The following PDZD2 variants were observed in gnomAD, a reference collection of about 807,000 sequenced individuals.
PDZD2 encodes the protein PDZ domain-containing protein 2.
Under a neutral mutation model 220.7 loss-of-function variants are expected in PDZD2, and 90 were observed. The observed-to-expected ratio is 0.41, with a 90% CI of 0.34 to 0.49. PDZD2 has a LOEUF of 0.49. Among genes scored for constraint, PDZD2 ranks in the 20% least tolerant of loss-of-function variants. The pLI is 0.28. For missense variants in PDZD2, 3,174 were observed against 3,608.5 expected, an observed-to-expected ratio of 0.88 and a Z score of 3.08; for synonymous variants, 1,375 against 1,450.5, an observed-to-expected ratio of 0.95 and a Z score of 1.18.
In PDZD2 at chr5:32,089,862, A is replaced by G. The variant is rs771054147; in HGVS notation, c.6414A>G (p.Glu2138=). Residue 2138 remains glutamate (E), a synonymous_variant, in exon 20 of 25, where the codon GAA becomes GAG. Transcript: ENST00000438447. ...SEIRLYRQVA[E]SSTSHPSSLP... is the part of the protein sequence containing the mutation. The stretch of plus-strand genomic sequence containing the variant: ...TCAGGCTCTATCGCCAGGTCGCAGA[A>G]TCATCCACAAGTCATCCATCCTCAC... 9.9e-6 allele frequency: 16 copies of G among 1,613,062 alleles called. No individual in the cohort carries two copies. In the African/African-American group the frequency reaches 1.9e-4, roughly 19 times the overall value.
chr5:31,890,453 G>A (rs1026928416), intron 2 of PDZD2, among the ~76,000 whole-genome samples: 3 of 152,172 alleles, frequency 2.0e-5, no homozygotes, highest in African/African-American at 4.8e-5. Context: ...AGGTTTGGTA[G>A]AGGGTCGATT....
At chr5:31,934,214 A>G (rs927858841) in intron 2 of PDZD2, among the ~76,000 whole-genome samples, 1 of 93,268 alleles carries the variant, frequency 1.1e-5, no homozygotes, top group African/African-American at 3.6e-5. Context: ...CTTTTAAAAG[A>G]AAAAAAAGCT....
chr5:32,063,326 G>T (rs534218446), intron 14 of PDZD2, among the ~76,000 whole-genome samples: 2 of 152,100 alleles, frequency 1.3e-5, no homozygotes, highest in East Asian at 3.9e-4. Flanking sequence ...GAGCCACCAC[G>T]CCCGGTCTGA....
chr5:31,764,037 A>C (rs1021217908), intron 1 of PDZD2, among the ~76,000 whole-genome samples: 1 of 152,170 alleles, frequency 6.6e-6, no homozygotes. Flanking sequence ...CAAGCTGCAG[A>C]ACTGCAGGAG....
intron 2 of PDZD2, among the ~76,000 whole-genome samples, chr5:31,879,980 C>T (rs926034247): frequency 1.4e-5 from 2 of 145,534 alleles, no homozygotes; most frequent in African/African-American, 5.1e-5. Flanking sequence ...ATGGCACGAT[C>T]TCAGCTCACC....
chr5:32,062,528 G>A (rs1739786707), intron 14 of PDZD2, among the ~76,000 whole-genome samples: 1 of 151,796 alleles, frequency 6.6e-6, no homozygotes, highest in Non-Finnish European at 1.5e-5. Context: ...AGAGTAGCTG[G>A]GACCATGGGT....
At chr5:31,937,136 G>A (rs1188644289) in intron 2 of PDZD2, among the ~76,000 whole-genome samples, 1 of 152,136 alleles carries the variant, frequency 6.6e-6, no homozygotes, top group African/African-American at 2.4e-5. Flanking sequence ...TCAAGGTTTG[G>A]GGCTTGTGAT....
At chr5:32,063,233 C>T (rs1379204572) in intron 14 of PDZD2, among the ~76,000 whole-genome samples, 3 of 151,562 alleles carry the variant, frequency 2.0e-5, no homozygotes, top group African/African-American at 7.3e-5. Context: ...TTAGTAGAGA[C>T]GGGGTTTCAC....
rs956965179 is a variant in PDZD2 at position 31,789,645 on chromosome 5, C to T, written c.-360-9244C>T. On this transcript the variant is annotated intron_variant, in intron 1 of 24. Transcript: ENST00000438447. ...ATAAAATAAGTACAATAAAAACTTC[C>T]GGGCTGGGCGTGGTGGCTCATGCCT... Among the ~76,000 whole-genome samples the T allele has an allele frequency of 5.3e-5, 8 of 152,276 alleles. No individual in the cohort carries two copies. In the South Asian group the frequency reaches 1.2e-3, roughly 24 times the overall value.
intron 1 of PDZD2, chr5:31,744,393 T>TA (rs954623055): frequency 2.6e-4 from 39 of 152,130 alleles, no homozygotes; most frequent in South Asian, 4.2e-4. Flanking sequence ...CCTTACTAGG[T>TA]AAAAAAAGTC....
At chr5:31,701,036 TCCAGTGCTGGAG>T (rs1747583812) in intron 1 of PDZD2, among the ~76,000 whole-genome samples, 1 of 152,190 alleles carries the variant, frequency 6.6e-6, no homozygotes, top group Non-Finnish European at 1.5e-5. Flanking sequence ...CAGGTGTGCT[TCCAGTGCTGGAG>T]CCACTTGCCG....
intron 1 of PDZD2, among the ~76,000 whole-genome samples, chr5:31,734,631 T>G (rs1749738775): frequency 6.6e-6 from 1 of 152,090 alleles, no homozygotes; most frequent in Non-Finnish European, 1.5e-5. Flanking sequence ...TTTTGGGTTT[T>G]TATAGAGGCC....
chr5:31,663,657 T>C (rs1745866847), intron 1 of PDZD2, among the ~76,000 whole-genome samples: 1 of 152,220 alleles, frequency 6.6e-6, no homozygotes, highest in African/African-American at 2.4e-5. Flanking sequence ...ATGAGAAATC[T>C]GGGCTATTTT....
intron 2 of PDZD2, among the ~76,000 whole-genome samples, chr5:31,892,851 G>A (rs1188247097): frequency 1.3e-5 from 2 of 152,136 alleles, no homozygotes; most frequent in African/African-American, 4.8e-5. Context: ...GATTACAGGT[G>A]TGTGCCACTG....
Position 32,057,746 on chromosome 5 carries a change from GATCTCC to G in PDZD2, c.1974+19_1974+24del. The G allele has an allele frequency of 2.0e-6, 3 of 1,516,060 alleles. No homozygotes were observed. Among genetic ancestry groups the G allele is most frequent in the Non-Finnish European group, 2.7e-6 (3 of 1,093,944 alleles). 93.9% of individuals were successfully genotyped at this position (1,516,060 alleles called of 1,614,324 possible). Reference sequence around the variant, plus strand: ...CCTTTAAGGTAACAACATTCTTATTGATCTCCTTTATCCTATTTTCCTTTCTTTATT... The same window carrying G: ...CCTTTAAGGTAACAACATTCTTATTGTTTATCCTATTTTCCTTTCTTTATT... On this transcript the variant is annotated intron_variant, in intron 11 of 24. Coordinates refer to ENST00000438447, the MANE Select transcript of PDZD2 (RefSeq NM_178140.4).
chr5:31,998,316 T>A (rs1453172824), intron 4 of PDZD2, among the ~76,000 whole-genome samples: 2 of 152,200 alleles, frequency 1.3e-5, no homozygotes, highest in Non-Finnish European at 2.9e-5. Flanking sequence ...GCCCTTAGCA[T>A]TTCTCTGCTT....
chr5:31,990,686 TGTG>T (rs1751143595), intron 3 of PDZD2, among the ~76,000 whole-genome samples: 2 of 152,252 alleles, frequency 1.3e-5, no homozygotes, highest in South Asian at 4.1e-4. Context: ...GATATTATAA[TGTG>T]GTAGACACTG....
At chr5:31,682,699 G>A (rs1258091738) in intron 1 of PDZD2, among the ~76,000 whole-genome samples, 1 of 151,084 alleles carries the variant, frequency 6.6e-6, no homozygotes, top group Non-Finnish European at 1.5e-5. Flanking sequence ...GTGTGTGTGT[G>A]TGTGTGTGTG....
At chr5:31,755,611 T>C (rs1751262146) in intron 1 of PDZD2, among the ~76,000 whole-genome samples, 1 of 131,544 alleles carries the variant, frequency 7.6e-6, no homozygotes, top group Non-Finnish European at 1.6e-5. Context: ...CTTTAGGTGG[T>C]GTGTCTTTTT....
Sources: gnomAD v4.1 joint callset for allele counts (sites outside exome capture counted in the v4.1 genomes callset) on GRCh38, gnomAD v4.1.1 for gene constraint, MANE v1.5 for transcripts, NCBI Gene and HGNC (gene_info 2026-07-23, HGNC 2026-07-21) for gene names.